Variants in SFMBT1 observed in about 807,000 individuals in gnomAD.
SFMBT1 encodes Scm like with four mbt domains 1.
SFMBT1 carries 32 observed loss-of-function variants against 108.7 expected under a neutral mutation model. The ratio of observed to expected loss-of-function variants is 0.29; its 90% CI spans 0.22 to 0.40. The LOEUF (loss-of-function observed/expected upper bound fraction) is 0.40. SFMBT1 is among the 10% of genes least tolerant of loss of function. The pLI is 1.00. For missense variants in SFMBT1, 816 were observed against 1,059.6 expected, an observed-to-expected ratio of 0.77 and a Z score of 3.19; for synonymous variants, 348 against 369.5, an observed-to-expected ratio of 0.94 and a Z score of 0.67.
Position 52,999,856 on chromosome 3 carries a change from G to C in SFMBT1, c.-130-30598C>G, listed in dbSNP as rs554960392. On this transcript the variant is annotated intron_variant, in intron 1 of 20. Coordinates refer to ENST00000394752, the MANE Select transcript of SFMBT1 (RefSeq NM_016329.4). ...ATGACCCATGGCATGAAATCATCTT[G>C]AAGTTTTTGCTTTTTTTTTGGAGAC... Among the ~76,000 whole-genome samples, 329 of 150,042 alleles carry C rather than the reference G, an allele frequency of 2.2e-3. 8 individuals are homozygous for C. The highest frequency in any genetic ancestry group is 7.5e-3 in the African/African-American group (310 of 41,360).
At chr3:52,911,224 T>C in intron 16 of SFMBT1, 46 bp from the exon 17 acceptor site, 1 of 1,522,260 alleles carries the variant, frequency 6.6e-7, no homozygotes, top group Non-Finnish European at 8.8e-7. Flanking sequence ...GGCTAATGAT[T>C]ACCCAGAGAA....
chr3:52,928,121 A>C, intron 9 of SFMBT1, 70 bp downstream of exon 9: 1 of 1,555,284 alleles, frequency 6.4e-7, no homozygotes, highest in Non-Finnish European at 8.7e-7. Flanking sequence ...GATTTCAGCA[A>C]TGCCATCTGA....
At chr3:52,926,265 T>A in intron 9 of SFMBT1, 152 bp from the exon 10 acceptor site, 1 of 637,528 alleles carries the variant, frequency 1.6e-6, no homozygotes, top group Non-Finnish European at 2.7e-6. Context: ...TCTATAAATC[T>A]AGAGCACTGT....
chr3:53,042,640 G>C (rs1336571581), intron 1 of SFMBT1, among the ~76,000 whole-genome samples: 3 of 152,172 alleles, frequency 2.0e-5, no homozygotes, highest in Non-Finnish European at 4.4e-5. Context: ...ACTGTGCCTA[G>C]CCAGCAATCA....
At chr3:52,966,336 A>AAAAAAAAAAAT (rs1214815068) in intron 2 of SFMBT1, among the ~76,000 whole-genome samples, 1 of 97,810 alleles carries the variant, frequency 1.0e-5, no homozygotes, top group Non-Finnish European at 2.1e-5. Context: ...AGAAAAAAAA[A>AAAAAAAAAAAT]AGGACTAAAG....
At chr3:52,925,012 G>C (rs1181655014) in intron 10 of SFMBT1, among the ~76,000 whole-genome samples, 2 of 152,106 alleles carry the variant, frequency 1.3e-5, no homozygotes, top group Admixed American at 1.3e-4. Flanking sequence ...CTTGAGGTCA[G>C]GAGTTCGAGA....
intron 9 of SFMBT1, 42 bp from the exon 10 acceptor site, chr3:52,926,155 A>T (rs1255912116): frequency 6.4e-7 from 1 of 1,560,348 alleles, no homozygotes; most frequent in African/African-American, 1.4e-5. Context: ...CTACCACACC[A>T]CATACGCCTG....
intron 2 of SFMBT1, among the ~76,000 whole-genome samples, chr3:52,962,832 G>A (rs888810558): frequency 8.7e-5 from 11 of 126,300 alleles, no homozygotes; most frequent in Non-Finnish European, 1.7e-4. Context: ...AAAGGAGAGG[G>A]AGATGTGAGT....
chr3:52,959,169 A>G (rs1054710262), intron 2 of SFMBT1, among the ~76,000 whole-genome samples: 8 of 152,182 alleles, frequency 5.3e-5, no homozygotes, highest in African/African-American at 1.7e-4. Flanking sequence ...CAGTTAATGT[A>G]TACTGGGCTT....
intron 2 of SFMBT1, among the ~76,000 whole-genome samples, chr3:52,959,166 T>C (rs1703880691): frequency 2.0e-5 from 3 of 152,176 alleles, no homozygotes; most frequent in South Asian, 4.1e-4. Flanking sequence ...AAACAGTTAA[T>C]GTATACTGGG....
intron 1 of SFMBT1, among the ~76,000 whole-genome samples, chr3:53,012,890 C>G (rs1257035461): frequency 6.6e-6 from 1 of 151,512 alleles, no homozygotes; most frequent in South Asian, 2.1e-4. Flanking sequence ...ATAAATATAA[C>G]AAATTAACAT....
rs190752842 is a variant in SFMBT1 at position 52,938,271 on chromosome 3, C to T, written c.365-3370G>A. On this transcript the variant is annotated intron_variant, in intron 4 of 20. Coordinates refer to ENST00000394752, the MANE Select transcript of SFMBT1 (RefSeq NM_016329.4). ...TGTTTACTTCTAATAAAAGAGTATG[C>T]CCAGTAACACTTATTGATATTATTA... Among the ~76,000 whole-genome samples the T allele has an allele frequency of 2.5e-3, 377 of 152,250 alleles. 1 individual carries two copies. The highest frequency in any genetic ancestry group is 8.1e-3 in the African/African-American group (335 of 41,568).
At chr3:53,012,569 A>AT (rs530633034) in intron 1 of SFMBT1, among the ~76,000 whole-genome samples, 33 of 151,058 alleles carry the variant, frequency 2.2e-4, no homozygotes, top group African/African-American at 7.1e-4. Flanking sequence ...CGCCCGGCTA[A>AT]TTTTTTGTAT....
At chr3:52,950,192 T>C (rs945209463) in intron 3 of SFMBT1, among the ~76,000 whole-genome samples, 1 of 152,224 alleles carries the variant, frequency 6.6e-6, no homozygotes, top group African/African-American at 2.4e-5. Flanking sequence ...TTTCACTCTT[T>C]ATCTGCCTTC....
chr3:53,016,803 C>A (rs1396585362), intron 1 of SFMBT1, among the ~76,000 whole-genome samples: 2 of 151,882 alleles, frequency 1.3e-5, no homozygotes, highest in East Asian at 3.9e-4. Flanking sequence ...ATTTATCAAC[C>A]CTTTCCTTTA....
At chr3:52,966,950 T>TTTTA (rs771662773) in intron 2 of SFMBT1, among the ~76,000 whole-genome samples, 2 of 146,704 alleles carry the variant, frequency 1.4e-5, no homozygotes, top group Non-Finnish European at 3.0e-5. Flanking sequence ...TTGTGATAAG[T>TTTTA]TATATATATA....
chr3:52,975,405 T>G (rs1464732889), intron 1 of SFMBT1, among the ~76,000 whole-genome samples: 1 of 151,952 alleles, frequency 6.6e-6, no homozygotes, highest in Non-Finnish European at 1.5e-5. Flanking sequence ...AGAATGCACC[T>G]AAGCTGGGCA....
In SFMBT1 at chr3:53,002,616, C is replaced by G. The variant is rs543852471; in HGVS notation, c.-130-33358G>C. Among the ~76,000 whole-genome samples the G allele has an allele frequency of 9.5e-4, 142 of 150,022 alleles. 10 individuals carry two copies. In the South Asian group the frequency reaches 0.029, roughly 31 times the overall value. ...TGAATAACGAGCAAAAGTTGGAAGT[C>G]TGTCTTGAGGGTGCTAAACTCACAG... On this transcript the variant is annotated intron_variant, in intron 1 of 20. Transcript: ENST00000394752.
chr3:52,989,921 T>A (rs183988827), intron 1 of SFMBT1, among the ~76,000 whole-genome samples: 1 of 152,214 alleles, frequency 6.6e-6, no homozygotes, highest in African/African-American at 2.4e-5. Flanking sequence ...TAAAACTTCA[T>A]TATTTGCAAA....
Sources: gnomAD v4.1 joint callset for allele counts (sites outside exome capture counted in the v4.1 genomes callset) on GRCh38, gnomAD v4.1.1 for gene constraint, MANE v1.5 for transcripts, NCBI Gene and HGNC (gene_info 2026-07-23, HGNC 2026-07-21) for gene names.